The following SDK1 variants were observed in gnomAD, a reference collection of about 807,000 sequenced individuals.
SDK1 encodes the protein sidekick cell adhesion molecule 1.
SDK1 carries 157 observed loss-of-function variants against 245.5 expected under a neutral mutation model. That is an observed-to-expected ratio of 0.64 (90% confidence interval 0.56 to 0.73). The LOEUF is 0.73. Ranked by LOEUF, SDK1 falls within the 30% of genes least tolerant of loss-of-function variation. SDK1 has a pLI of 0.00. For synonymous variants in SDK1, 1,647 were observed against 1,278.5 expected (o/e 1.29, Z -6.15); for missense variants, 3,583 against 3,002.3 (o/e 1.19, Z -4.52).
chr7:4,156,085 A>G (rs778182137), intron 30 of SDK1, among the ~76,000 whole-genome samples: 24 of 152,304 alleles, frequency 1.6e-4, no homozygotes, highest in Non-Finnish European at 3.2e-4. Context: ...TGCCTGTGCT[A>G]TTAGCCCAGG....
At position 3,590,268 on chromosome 7, in the gene SDK1, G is replaced by A. The variant is rs111925171; in HGVS notation, c.299-28812G>A. On this transcript the variant is annotated intron_variant, in intron 1 of 44. Coordinates refer to ENST00000404826, the MANE Select transcript of SDK1 (RefSeq NM_152744.4). ...TAGTGGATTTGATGTAAAGAAATGG[G>A]TATATTTCAACTTTCACCTCCTTTC... is the stretch of plus-strand genomic sequence containing the variant. Among the ~76,000 whole-genome samples the A allele has an allele frequency of 3.1e-3, 434 of 138,708 alleles. 4 individuals are homozygous for A. The highest frequency in any genetic ancestry group is 0.021 in the South Asian group (87 of 4,192). The allele number at this position is 138,708 out of a possible 152,430, so 91.0% of individuals were successfully genotyped here.
chr7:4,204,423 G>A (rs1424313793), intron 35 of SDK1, among the ~76,000 whole-genome samples: 2 of 152,058 alleles, frequency 1.3e-5, no homozygotes, highest in Admixed American at 1.3e-4. Context: ...GGTGGGCAGT[G>A]ATAATACGGA....
intron 5 of SDK1, among the ~76,000 whole-genome samples, chr7:3,874,555 A>G (rs1487646497): frequency 2.6e-5 from 4 of 152,156 alleles, no homozygotes; most frequent in Non-Finnish European, 4.4e-5. Context: ...TGCTGGGCCT[A>G]GCATATATTC....
At chr7:3,394,182 T>A (rs1781833760) in intron 1 of SDK1, among the ~76,000 whole-genome samples, 1 of 152,136 alleles carries the variant, frequency 6.6e-6, no homozygotes, top group Admixed American at 6.5e-5. Context: ...ATGGAGTCAG[T>A]CTCTCCTCTA....
At chr7:3,930,958 A>C (rs1203287267) in intron 5 of SDK1, among the ~76,000 whole-genome samples, 1 of 152,240 alleles carries the variant, frequency 6.6e-6, no homozygotes, top group East Asian at 1.9e-4. Context: ...TCTAGTTGTA[A>C]AAGAACAGTG....
At chr7:3,818,771 T>C (rs1779572434) in intron 4 of SDK1, among the ~76,000 whole-genome samples, 1 of 152,168 alleles carries the variant, frequency 6.6e-6, no homozygotes, top group East Asian at 1.9e-4. Flanking sequence ...TGCTTTCCGT[T>C]CTCTCTATTC....
intron 1 of SDK1, among the ~76,000 whole-genome samples, chr7:3,391,577 C>G (rs929296829): frequency 6.6e-6 from 1 of 150,842 alleles, no homozygotes; most frequent in African/African-American, 2.4e-5. Flanking sequence ...TATATATGTA[C>G]AGTGGCACTG....
At chr7:3,383,093 A>G (rs77695677) in intron 1 of SDK1, among the ~76,000 whole-genome samples, 7 of 152,312 alleles carry the variant, frequency 4.6e-5, no homozygotes, top group African/African-American at 1.4e-4. Context: ...GCTAAAAAAA[A>G]TCCCATTCAA....
intron 13 of SDK1, among the ~76,000 whole-genome samples, chr7:3,978,221 G>A (rs1039430016): frequency 2.6e-5 from 4 of 152,002 alleles, no homozygotes; most frequent in African/African-American, 7.3e-5. Context: ...ATAAATAAGC[G>A]TTAGCAGTTC....
intron 1 of SDK1, among the ~76,000 whole-genome samples, chr7:3,410,377 C>T (rs1181084538): frequency 1.3e-5 from 2 of 152,000 alleles, no homozygotes; most frequent in Non-Finnish European, 2.9e-5. Flanking sequence ...ACCTGTGTCC[C>T]ATCTTCAAGA....
rs183663726 is a variant in SDK1 at position 3,667,435 on chromosome 7, G to A, written c.713+25330G>A. Among the ~76,000 whole-genome samples, 207 of 152,208 alleles carry A rather than the reference G, an allele frequency of 1.4e-3. 2 individuals are homozygous for A. The highest frequency in any genetic ancestry group is 4.7e-3 in the African/African-American group (197 of 41,542). ...ACCCTGAGGCTTTTCTATTCAGAGG[G>A]AATATCTTTTTCACCCTCATGCTTA... On this transcript the variant is annotated intron_variant, in intron 4 of 44. Transcript: ENST00000404826.
intron 1 of SDK1, among the ~76,000 whole-genome samples, chr7:3,451,635 C>T (rs1042389822): frequency 2.6e-5 from 4 of 152,130 alleles, no homozygotes; most frequent in African/African-American, 7.2e-5. Flanking sequence ...TTACATGTAA[C>T]ATAGGACTGA....
intron 4 of SDK1, among the ~76,000 whole-genome samples, chr7:3,767,973 A>G (rs1390072457): frequency 1.3e-5 from 2 of 152,196 alleles, no homozygotes; most frequent in Admixed American, 6.5e-5. Flanking sequence ...TTTAATCCTC[A>G]TAACTCTAAT....
intron 5 of SDK1, among the ~76,000 whole-genome samples, chr7:3,899,658 C>T (rs1375087635): frequency 6.6e-6 from 1 of 152,216 alleles, no homozygotes; most frequent in Non-Finnish European, 1.5e-5. Context: ...CCAAGCTGCA[C>T]CAGCTCCACA....
intron 22 of SDK1, among the ~76,000 whole-genome samples, chr7:4,106,022 C>T (rs1443879467): frequency 6.6e-6 from 1 of 152,212 alleles, no homozygotes; most frequent in Admixed American, 6.5e-5. Context: ...GGAGACCAGG[C>T]ACTGGGCGGG....
intron 44 of SDK1, among the ~76,000 whole-genome samples, chr7:4,251,256 C>T (rs1787272574): frequency 6.6e-6 from 1 of 152,184 alleles, no homozygotes; most frequent in Non-Finnish European, 1.5e-5. Context: ...CAGTGATTCA[C>T]TAGAAGGACT....
At chr7:4,034,175 AAG>A (rs1259593545) in intron 17 of SDK1, among the ~76,000 whole-genome samples, 1 of 152,230 alleles carries the variant, frequency 6.6e-6, no homozygotes, top group Non-Finnish European at 1.5e-5. Flanking sequence ...CATATTGCAC[AAG>A]AAATTGGACG....
intron 1 of SDK1, among the ~76,000 whole-genome samples, chr7:3,460,598 C>A (rs929845435): frequency 6.6e-6 from 1 of 152,118 alleles, no homozygotes; most frequent in Non-Finnish European, 1.5e-5. Context: ...GATTTAATGA[C>A]CTGAATCTTG....
At chr7:3,824,176 T>A (rs1221478020) in intron 5 of SDK1, among the ~76,000 whole-genome samples, 1 of 152,142 alleles carries the variant, frequency 6.6e-6, no homozygotes, top group Non-Finnish European at 1.5e-5. Context: ...ACCAGATTTA[T>A]TATGAAATTA....
Sources: gnomAD v4.1 joint callset for allele counts (sites outside exome capture counted in the v4.1 genomes callset) on GRCh38, gnomAD v4.1.1 for gene constraint, MANE v1.5 for transcripts, NCBI Gene and HGNC (gene_info 2026-07-23, HGNC 2026-07-21) for gene names.